Variants in MYO7B observed in about 807,000 individuals in gnomAD.
The protein encoded by MYO7B is myosin VIIB, also known as unconventional myosin-VIIb.
A neutral mutation model predicts 259.7 loss-of-function variants in MYO7B; 212 were observed. The ratio of observed to expected loss-of-function variants is 0.82; its 90% confidence interval spans 0.73 to 0.91. MYO7B has a LOEUF of 0.91. Among genes scored for constraint, MYO7B ranks in the 40% least tolerant of loss-of-function variants. The pLI, the probability that MYO7B is intolerant of heterozygous loss-of-function variation, is 0.00. For synonymous variants in MYO7B, 1,197 were observed against 1,166.4 expected (o/e 1.03, Z -0.54); for missense variants, 2,732 against 2,813.5 (o/e 0.97, Z 0.66).
chr2:127,579,355 C>T (rs1244332040), intron 9 of MYO7B, among the ~76,000 whole-genome samples: 1 of 152,162 alleles, frequency 6.6e-6, no homozygotes, highest in Non-Finnish European at 1.5e-5. Flanking sequence ...ATATAGAAAA[C>T]AAAAGCTTGG....
chr2:127,622,056 T>G lies in MYO7B; in HGVS notation c.3600T>G (p.Tyr1200Ter), dbSNP rs1252579795. Residue 1200 changes from tyrosine (Y) to a stop codon, truncating the protein, a stop_gained, in exon 28 of 48, where the codon TAT becomes TAG. Coordinates refer to ENST00000409816, the MANE Select transcript of MYO7B (RefSeq NM_001393586.1). LOFTEE classifies it high-confidence loss of function. ...GTGCCGAGCGCCTGAGACGCACCTA[T>G]GCCAATGGGGTGCGTGCGGAGCCCC... ...PFCAERLRRT[Y>*]ANGVRAEPPT... 6.4e-7 allele frequency: 1 copy of G among 1,551,686 alleles called. No individual in the cohort carries two copies. Among genetic ancestry groups the G allele is most frequent in the Admixed American group, 2.0e-5 (1 of 51,004 alleles).
Position 127,585,652 on chromosome 2 carries a change from C to T in MYO7B, c.1690+739C>T, listed in dbSNP as rs769260994. 1.3e-5 allele frequency among the ~76,000 whole-genome samples: 2 copies of T among 152,158 alleles called. No homozygotes were observed. The highest frequency in any genetic ancestry group is 2.9e-5 in the Non-Finnish European group (2 of 68,032). On this transcript the variant is annotated intron_variant, in intron 14 of 47. Transcript: ENST00000409816. This position sits in a 1 kb window ranked among gnomAD's most constrained non-coding sequence, Gnocchi z 4.3. ...TATGTTTAACTGTTTGAGGAACCAC[C>T]AGACTGTTTTCCAAAGCGGCTGTAT...
chr2:127,634,197 A>G lies in MYO7B; in HGVS notation c.5533A>G (p.Thr1845Ala), dbSNP rs1681669142. Residue 1845 changes from threonine (T) to alanine (A), a missense_variant, in exon 41 of 48, where the codon ACA (threonine) becomes GCA (alanine). By Grantham distance (58) the Thr-to-Ala change is moderately conservative (BLOSUM62 0). Around this residue, in one of 3 missense-constraint regions of MYO7B, gnomAD observed 821 missense variants for 769.3 expected, o/e 1.07. Transcript: ENST00000409816. ...CCAGATGCTGGAGGTGGTTGCCAAC[A>G]CACGGGTGCGGGATGTGTGTGACAG... ...TSEMLEVVAN[T>A]RVRDVCDSIA... 5 of 1,606,980 alleles carry G rather than the reference A, an allele frequency of 3.1e-6. No homozygotes were observed. Among genetic ancestry groups the G allele is most frequent in the Non-Finnish European group, 4.2e-6 (5 of 1,177,356 alleles).
intron 1 of MYO7B, among the ~76,000 whole-genome samples, chr2:127,553,919 T>A (rs991116834): frequency 6.6e-6 from 1 of 152,224 alleles, no homozygotes; most frequent in Non-Finnish European, 1.5e-5. Context: ...TTTATTGCAC[T>A]GAGGTATGTC....
chr2:127,618,786 G>A (rs549817340), intron 26 of MYO7B, among the ~76,000 whole-genome samples: 1 of 152,332 alleles, frequency 6.6e-6, no homozygotes, highest in Non-Finnish European at 1.5e-5. Flanking sequence ...AGCAAGAGAG[G>A]ATCTTGATCA....
At position 127,576,363 on chromosome 2, in the gene MYO7B, G is replaced by C. The variant is rs553700215; in HGVS notation, c.736-232G>C. Among the ~76,000 whole-genome samples the C allele has an allele frequency of 6.6e-6, 1 of 152,334 alleles. No homozygotes were observed. The highest frequency in any genetic ancestry group is 2.1e-4 in the South Asian group (1 of 4,834). On this transcript the variant is annotated intron_variant, in intron 7 of 47. Transcript: ENST00000409816. This position sits in a 1 kb window ranked among gnomAD's most constrained non-coding sequence, Gnocchi z 4.9. ...CACAGCAGTGTCAGGGCTTCGAGGA[G>C]CAGTCAAGATGCAGGGAAATGGAGT...
In MYO7B at chr2:127,626,958, C is replaced by T; in HGVS notation, c.4216-17C>T. 1 of 1,599,904 alleles carries T rather than the reference C, an allele frequency of 6.3e-7. No individual in the cohort carries two copies. The highest frequency in any genetic ancestry group is 8.5e-7 in the Non-Finnish European group (1 of 1,172,548). On this transcript the variant is annotated splice_polypyrimidine_tract_variant and intron_variant, in intron 31 of 47. Coordinates refer to ENST00000409816, the MANE Select transcript of MYO7B (RefSeq NM_001393586.1). ...GGAAGGCAGGTGACGGAGGTGACAT[C>T]CAGGATCCCCCCTCAGGCCCCATAC...
chr2:127,557,577 T>C (rs1185527788), intron 1 of MYO7B, among the ~76,000 whole-genome samples: 2 of 152,204 alleles, frequency 1.3e-5, no homozygotes, highest in Non-Finnish European at 2.9e-5. Flanking sequence ...ATTCAGATTC[T>C]TTTGTCCCAC....
chr2:127,552,151 T>C (rs1468936062), intron 1 of MYO7B, among the ~76,000 whole-genome samples: 1 of 152,232 alleles, frequency 6.6e-6, no homozygotes, highest in East Asian at 1.9e-4. Flanking sequence ...TTGTATTTTC[T>C]TTTCTTTGGG....
Position 127,631,682 on chromosome 2 carries a change from C to T in MYO7B, c.5178C>T (p.Ala1726=), listed in dbSNP as rs758829919. ...TCACCGACCAGATCTTCACACTGGC[C>T]CTGCAGCACCCGGCCCTCCAGGACG... is the stretch of plus-strand genomic sequence containing the variant. ...LELTDQIFTL[A]LQHPALQDEV... Residue 1726 remains alanine (A), a synonymous_variant, in exon 38 of 48, where the codon GCC becomes GCT. Transcript: ENST00000409816. 11 of 1,613,076 alleles carry T rather than the reference C, an allele frequency of 6.8e-6. No individual in the cohort carries two copies. Among genetic ancestry groups the T allele is most frequent in the South Asian group, 1.1e-5 (1 of 91,080 alleles).
intron 4 of MYO7B, among the ~76,000 whole-genome samples, chr2:127,565,624 TGC>T (rs1678302036): frequency 6.6e-6 from 1 of 152,250 alleles, no homozygotes; most frequent in Non-Finnish European, 1.5e-5. Context: ...GCACAGTCTC[TGC>T]TCAGTGAGGG....
At chr2:127,555,103 A>G (rs958752473) in intron 1 of MYO7B, among the ~76,000 whole-genome samples, 8 of 152,060 alleles carry the variant, frequency 5.3e-5, no homozygotes, top group Admixed American at 3.3e-4. Flanking sequence ...GCCCACCACC[A>G]TGCCTGGCTA....
chr2:127,578,079 G>A (rs546471667), intron 8 of MYO7B, 54 bp from the exon 9 acceptor site: 12 of 1,603,254 alleles, frequency 7.5e-6, no homozygotes, highest in African/African-American at 5.3e-5. Context: ...GGTCCCAGGA[G>A]GGAGGTGGTG....
At chr2:127,567,143 C>A (rs1244546430) in intron 5 of MYO7B, among the ~76,000 whole-genome samples, 1 of 152,110 alleles carries the variant, frequency 6.6e-6, no homozygotes, top group African/African-American at 2.4e-5. Context: ...GTAGCTCATG[C>A]CTATAATCCC....
chr2:127,541,095 C>T (rs1424720940), intron 1 of MYO7B, among the ~76,000 whole-genome samples: 1 of 151,746 alleles, frequency 6.6e-6, no homozygotes, highest in Non-Finnish European at 1.5e-5. Context: ...GCAGCATCTG[C>T]TGGGCTGTCT....
At chr2:127,568,346 C>A (rs935677906) in intron 5 of MYO7B, among the ~76,000 whole-genome samples, 2 of 152,232 alleles carry the variant, frequency 1.3e-5, no homozygotes, top group Admixed American at 1.3e-4. Flanking sequence ...TGGTTCCTTG[C>A]AGTGAGCAGA....
chr2:127,631,840 C>T (rs1681529711), intron 38 of MYO7B, 87 bp downstream of exon 38: 29 of 1,507,286 alleles, frequency 1.9e-5, no homozygotes, highest in South Asian at 9.0e-5. Context: ...GAGAGGACAC[C>T]GCAGCTGGTG....
intron 1 of MYO7B, among the ~76,000 whole-genome samples, chr2:127,548,899 G>A (rs1693337771): frequency 6.6e-6 from 1 of 152,140 alleles, no homozygotes; most frequent in Admixed American, 6.5e-5. Flanking sequence ...GGCTTTTCCA[G>A]TTATCTTTCT....
chr2:127,622,653 C>T (rs1263698861), intron 28 of MYO7B, among the ~76,000 whole-genome samples: 1 of 152,210 alleles, frequency 6.6e-6, no homozygotes, highest in Non-Finnish European at 1.5e-5. Flanking sequence ...CCCGAGGTGC[C>T]CTATACCAGG....
Sources: gnomAD v4.1 joint callset for allele counts (sites outside exome capture counted in the v4.1 genomes callset) on GRCh38, gnomAD v4.1.1 for gene constraint, gnomAD v4.1.1 regional missense constraint, Gnocchi (gnomAD v3.1) non-coding constraint, MANE v1.5 for transcripts, NCBI Gene and HGNC (gene_info 2026-07-23, HGNC 2026-07-21) for gene names.